Variants in RASAL2 observed in about 807,000 individuals in gnomAD.
RASAL2 encodes ras GTPase-activating protein nGAP.
A neutral mutation model predicts 128.9 loss-of-function variants in RASAL2; 58 were observed. The observed-to-expected ratio is 0.45, with a 90% CI of 0.36 to 0.56. RASAL2 has a LOEUF of 0.56. RASAL2 is among the 20% of genes least tolerant of loss of function. RASAL2 has a pLI of 0.00. For synonymous variants in RASAL2, 561 were observed against 580.8 expected (o/e 0.97, Z 0.49); for missense variants, 1,360 against 1,601.6 (o/e 0.85, Z 2.57).
intron 1 of RASAL2, among the ~76,000 whole-genome samples, chr1:178,247,422 T>A (rs1664817035): frequency 6.6e-6 from 1 of 152,172 alleles, no homozygotes; most frequent in Admixed American, 6.5e-5. Context: ...TCAGTGATGA[T>A]ATCCCCTTTA....
intron 1 of RASAL2, among the ~76,000 whole-genome samples, chr1:178,128,940 T>C (rs914609286): frequency 6.6e-6 from 1 of 152,150 alleles, no homozygotes; most frequent in African/African-American, 2.4e-5. Context: ...CATTCATTCA[T>C]TAGTAGATGG....
rs1467695954 is a variant in RASAL2, at chr1:178,390,102, G to A, written c.460G>A (p.Val154Ile). Reference sequence around the variant, plus strand: ...TCAACTTTCCTCCTTTTTTCCAGAGGTACCAGCAGAAAGGTCCCCTCGTAG... The same window carrying A: ...TCAACTTTCCTCCTTTTTTCCAGAGATACCAGCAGAAAGGTCCCCTCGTAG... ...YPPEGATKLE[V>I]PAERSPRRRS... Residue 154 changes from valine to isoleucine, a missense_variant and splice_region_variant, in exon 4 of 18, where the codon GTA (valine) becomes ATA (isoleucine). By Grantham distance (29) the Val-to-Ile change is conservative. Transcript: ENST00000367649. 2.6e-5 allele frequency: 42 copies of A among 1,596,822 alleles called. No homozygotes were observed. Among genetic ancestry groups the A allele is most frequent in the Non-Finnish European group, 3.5e-5 (41 of 1,173,262 alleles).
intron 1 of RASAL2, among the ~76,000 whole-genome samples, chr1:178,244,496 C>G (rs1421315648): frequency 6.6e-6 from 1 of 152,214 alleles, no homozygotes; most frequent in African/African-American, 2.4e-5. Flanking sequence ...CCGCCTCGGC[C>G]TCCCAAAGTG....
chr1:178,437,745 A>T (rs1006647421), intron 5 of RASAL2, among the ~76,000 whole-genome samples: 9 of 152,090 alleles, frequency 5.9e-5, no homozygotes, highest in African/African-American at 2.2e-4. Flanking sequence ...GGGAAAGATT[A>T]TATGATAATT....
At chr1:178,265,268 G>T (rs1571737689) in intron 1 of RASAL2, among the ~76,000 whole-genome samples, 1 of 151,796 alleles carries the variant, frequency 6.6e-6, no homozygotes, top group Non-Finnish European at 1.5e-5. Flanking sequence ...TGGTTTTTTG[G>T]TTTTTGTTGA....
intron 1 of RASAL2, among the ~76,000 whole-genome samples, chr1:178,275,251 C>G (rs1257139217): frequency 6.6e-6 from 1 of 152,214 alleles, no homozygotes; most frequent in South Asian, 2.1e-4. Flanking sequence ...CTATTGAGAG[C>G]ACAGTCATGC....
chr1:178,271,161 A>G (rs925641282), intron 1 of RASAL2, among the ~76,000 whole-genome samples: 2 of 152,156 alleles, frequency 1.3e-5, no homozygotes, highest in South Asian at 2.1e-4. Flanking sequence ...ATTGAGAGCT[A>G]CCTAGTACTG....
At chr1:178,410,579 C>T (rs1674298133) in intron 4 of RASAL2, among the ~76,000 whole-genome samples, 1 of 151,952 alleles carries the variant, frequency 6.6e-6, no homozygotes, top group Admixed American at 6.6e-5. Flanking sequence ...AATCAATAAA[C>T]AGACAACCCA....
In RASAL2 at chr1:178,474,060, A is replaced by G. The variant is rs1258358680; in HGVS notation, c.*821A>G. 1.3e-5 allele frequency: 2 copies of G among 152,602 alleles called. No homozygotes were observed. The highest frequency in any genetic ancestry group is 2.9e-5 in the Non-Finnish European group (2 of 68,048). The allele number at this position is 152,602 out of a possible 1,614,324, so 9.5% of individuals were successfully genotyped here. A position where few individuals can be genotyped will look rare whatever the true frequency, so the allele number is the denominator to read the frequency against. Reference sequence around the variant, plus strand: ...TTTCCTCTTTAGAGTTTACAAAACTATAAATATTTGTGTCTCCACATACCA... The same window carrying G: ...TTTCCTCTTTAGAGTTTACAAAACTGTAAATATTTGTGTCTCCACATACCA... On this transcript the variant is annotated 3_prime_UTR_variant, in exon 18 of 18. Transcript: ENST00000367649.
chr1:178,423,113 GTGTCAGTAAA>G (rs1675267646), intron 5 of RASAL2, among the ~76,000 whole-genome samples: 1 of 152,044 alleles, frequency 6.6e-6, no homozygotes, highest in Admixed American at 6.6e-5. Flanking sequence ...TACTCTCCCT[GTGTCAGTAAA>G]TGTCAGTCCA....
At chr1:178,134,031 A>G (rs544334498) in intron 1 of RASAL2, among the ~76,000 whole-genome samples, 1 of 152,364 alleles carries the variant, frequency 6.6e-6, no homozygotes, top group African/African-American at 2.4e-5. Context: ...ATTGCTGTAT[A>G]ACAAACTACC....
At chr1:178,192,010 C>T (rs958095677) in intron 1 of RASAL2, among the ~76,000 whole-genome samples, 3 of 152,138 alleles carry the variant, frequency 2.0e-5, no homozygotes, top group African/African-American at 7.2e-5. Flanking sequence ...CACATGCATA[C>T]ATTTCATAAC....
intron 1 of RASAL2, among the ~76,000 whole-genome samples, chr1:178,137,800 G>A (rs1209842064): frequency 6.6e-6 from 1 of 152,164 alleles, no homozygotes; most frequent in Non-Finnish European, 1.5e-5. Context: ...TGTGGCCAAA[G>A]AAATCATGAT....
intron 1 of RASAL2, among the ~76,000 whole-genome samples, chr1:178,217,005 C>A (rs557659975): frequency 4.0e-5 from 6 of 151,300 alleles, no homozygotes; most frequent in African/African-American, 1.5e-4. Flanking sequence ...GACGGAGTTT[C>A]GCTCTTGTTG....
chr1:178,178,622 G>A (rs1396201142), intron 1 of RASAL2, among the ~76,000 whole-genome samples: 1 of 152,112 alleles, frequency 6.6e-6, no homozygotes, highest in Non-Finnish European at 1.5e-5. Context: ...CTCCTTCGCA[G>A]TGCTTTTTCC....
chr1:178,233,874 A>C (rs1664116312), intron 1 of RASAL2, among the ~76,000 whole-genome samples: 1 of 152,210 alleles, frequency 6.6e-6, no homozygotes, highest in Non-Finnish European at 1.5e-5. Context: ...TGAGCCAGTA[A>C]GAGAAGGTAT....
chr1:178,201,387 G>T (rs1662864260), intron 1 of RASAL2, among the ~76,000 whole-genome samples: 1 of 152,214 alleles, frequency 6.6e-6, no homozygotes, highest in African/African-American at 2.4e-5. Context: ...GGTTTAGGAA[G>T]ATTGTGATAC....
intron 2 of RASAL2, among the ~76,000 whole-genome samples, chr1:178,288,354 A>G (rs2102230761): frequency 6.6e-6 from 1 of 152,274 alleles, no homozygotes; most frequent in South Asian, 2.1e-4. Context: ...AGAGCTGATT[A>G]CTTTGCTTAT....
At chr1:178,360,512 A>G (rs1293033517) in intron 3 of RASAL2, among the ~76,000 whole-genome samples, 1 of 152,194 alleles carries the variant, frequency 6.6e-6, no homozygotes, top group Non-Finnish European at 1.5e-5. Flanking sequence ...AGCATCCACG[A>G]TATAGACCTG....
Sources: allele counts gnomAD v4.1 joint callset (sites outside exome capture counted in the v4.1 genomes callset), GRCh38; gene constraint gnomAD v4.1.1; transcripts MANE v1.5; gene names NCBI Gene and HGNC (gene_info 2026-07-23, HGNC 2026-07-21).